ZNF284: variants seen among roughly 807,000 people sequenced by gnomAD.
The protein encoded by ZNF284 is zinc finger protein 284.
In ZNF284, 12 loss-of-function variants were observed where a neutral mutation model predicts 12.9. The ratio of observed to expected loss-of-function variants is 0.93; its 90% CI spans 0.60 to 1.51. The LOEUF (loss-of-function observed/expected upper bound fraction) is 1.51. Among genes scored for constraint, ZNF284 ranks in the 40% most tolerant of loss-of-function variants. The pLI is 0.00. For synonymous variants in ZNF284, 225 were observed against 236.5 expected (o/e 0.95, Z 0.45); for missense variants, 667 against 707.3 (o/e 0.94, Z 0.65).
At chr19:44,082,183 G>T (rs1184334995) in intron 4 of ZNF284, 78 bp downstream of exon 4, 3 of 1,210,204 alleles carry the variant, frequency 2.5e-6, no homozygotes, top group East Asian at 4.9e-5. Flanking sequence ...CAACTCCATT[G>T]CCCTGGTATA....
chr19:44,081,928 A>C, intron 3 of ZNF284, 85 bp from the exon 4 acceptor site: 1 of 1,050,004 alleles, frequency 9.5e-7, no homozygotes, highest in Non-Finnish European at 1.4e-6. Context: ...ATCAGTGTTC[A>C]AGTTCGAGTG....
rs1231610697 is a variant in ZNF284, at chr19:44,086,157, G to A, written c.679G>A (p.Gly227Arg). 5 of 1,614,078 alleles carry A rather than the reference G, an allele frequency of 3.1e-6. No homozygotes were observed. The highest frequency in any genetic ancestry group is 4.2e-6 in the Non-Finnish European group (5 of 1,180,040). The change falls in exon 5 of 5, where the codon GGA becomes AGA. Residue 227 changes from glycine to arginine, a missense_variant. Physicochemically the swap from Gly to Arg is moderately radical, Grantham distance 125. Transcript: ENST00000421176. ...QLQTHQRIHT[G>R]EKPFKCEQCG... ...GCAAACTCATCAGAGAATCCACACT[G>A]GAGAGAAACCATTCAAATGTGAGCA...
At chr19:44,083,499 A>G (rs1967168240) in intron 4 of ZNF284, among the ~76,000 whole-genome samples, 1 of 71,860 alleles carries the variant, frequency 1.4e-5, no homozygotes, top group African/African-American at 4.4e-5. Flanking sequence ...AGAGAGAGAG[A>G]GAGGGAATGG....
intron 2 of ZNF284, among the ~76,000 whole-genome samples, chr19:44,079,688 C>G (rs533165121): frequency 2.0e-5 from 3 of 150,606 alleles, no homozygotes; most frequent in African/African-American, 7.3e-5. Context: ...AGCCTGGGGA[C>G]AGAGTGAGAC....
chr19:44,080,243 G>A (rs570631874), intron 2 of ZNF284, among the ~76,000 whole-genome samples: 6 of 152,200 alleles, frequency 3.9e-5, no homozygotes, highest in Non-Finnish European at 8.8e-5. Context: ...TGAATACAGA[G>A]GACCCACTCC....
chr19:44,087,524 G>A lies in ZNF284; in HGVS notation c.*264G>A, dbSNP rs553704086. On this transcript the variant is annotated 3_prime_UTR_variant, in exon 5 of 5. Transcript: ENST00000421176. ...TTACTGTACTTTCATATCTGTTAAC[G>A]AATCTTTCATCATCCACCCTCTCTC... is the stretch of plus-strand genomic sequence containing the variant. The A allele has an allele frequency of 1.3e-4, 28 of 213,712 alleles. No individual in the cohort carries two copies. In the South Asian group the frequency reaches 3.0e-3, roughly 23 times the overall value. The allele number at this position is 213,712 out of a possible 1,614,324, so 13.2% of individuals were successfully genotyped here. A position where few individuals can be genotyped will look rare whatever the true frequency, so the allele number is the denominator to read the frequency against.
Position 44,086,851 on chromosome 19 carries a change from A to T in ZNF284, c.1373A>T (p.Lys458Met), listed in dbSNP as rs1387697124. Reference sequence around the variant, plus strand: ...ACGGGAGAGAGACCTTATAATTGTAAGGAATGTGGAAAGAGCTTCAGGTGG... The same window carrying T: ...ACGGGAGAGAGACCTTATAATTGTATGGAATGTGGAAAGAGCTTCAGGTGG... Reference protein sequence around the residue: ...VHTGERPYNCKECGKSFRWAS... With the variant: ...VHTGERPYNCMECGKSFRWAS... Residue 458 changes from lysine to methionine, a missense_variant, in exon 5 of 5, where the codon AAG becomes ATG. Lys to Met is a moderately conservative substitution (Grantham distance 95, BLOSUM62 -1). Coordinates refer to ENST00000421176, the MANE Select transcript of ZNF284 (RefSeq NM_001037813.4). The T allele has an allele frequency of 6.8e-6, 11 of 1,613,900 alleles. No homozygotes were observed. The highest frequency in any genetic ancestry group is 5.0e-5 in the Admixed American group (3 of 59,958).
In ZNF284 at chr19:44,085,764, G is replaced by C. The variant is rs774745584; in HGVS notation, c.286G>C (p.Glu96Gln). 1.4e-5 allele frequency: 23 copies of C among 1,614,034 alleles called. 1 individual carries two copies. In the South Asian group the frequency reaches 2.4e-4, roughly 17 times the overall value. The change falls in exon 5 of 5, where the codon GAA becomes CAA. Residue 96 changes from glutamate (E) to glutamine (Q), a missense_variant. Coordinates refer to ENST00000421176, the MANE Select transcript of ZNF284 (RefSeq NM_001037813.4). Reference sequence around the variant, plus strand: ...GTCTGTTCCAGAAACAGGACCACATGAAGAGTGGTCTTGCCAGCAAATCTG... The same window carrying C: ...GTCTGTTCCAGAAACAGGACCACATCAAGAGTGGTCTTGCCAGCAAATCTG... ...LESVPETGPH[E>Q]EWSCQQIWEQ...
In ZNF284 at chr19:44,086,260, G is replaced by T. The variant is rs1456767192; in HGVS notation, c.782G>T (p.Cys261Phe). 3.1e-6 allele frequency: 5 copies of T among 1,614,074 alleles called. No individual in the cohort carries two copies. Among genetic ancestry groups the T allele is most frequent in the Non-Finnish European group, 4.2e-6 (5 of 1,180,030 alleles). The change falls in exon 5 of 5, where the codon TGT becomes TTT. Residue 261 changes from cysteine to phenylalanine, a missense_variant. Cys to Phe is a radical substitution (Grantham distance 205, BLOSUM62 -2). Coordinates refer to ENST00000421176, the MANE Select transcript of ZNF284 (RefSeq NM_001037813.4). ...CACACAGGAGAAAAACCTCATATTT[G>T]TGAGGAATGTGGGAAGGCCTTCATT... Reference protein sequence around the residue: ...KLHTGEKPHICEECGKAFIHN... With the variant: ...KLHTGEKPHIFEECGKAFIHN...
chr19:44,081,982 A>T lies in ZNF284; in HGVS notation c.143-31A>T, dbSNP rs773486603. The T allele has an allele frequency of 1.9e-6, 3 of 1,573,724 alleles. No individual in the cohort carries two copies. In the South Asian group the frequency reaches 3.4e-5, roughly 18 times the overall value. ...TTCTAGTAAATTTTACCTAAGATGT[A>T]TTGGGATTAAGCATGTGACTTTGTT... On this transcript the variant is annotated intron_variant, in intron 3 of 4. Transcript: ENST00000421176.
At position 44,076,518 on chromosome 19, in the gene ZNF284, T is replaced by C. The variant is rs969517397; in HGVS notation, c.15+114T>C. 8.1e-6 allele frequency: 9 copies of C among 1,105,074 alleles called. No individual in the cohort carries two copies. In the African/African-American group the frequency reaches 1.1e-4, roughly 13 times the overall value. 68.5% of individuals were successfully genotyped at this position (1,105,074 alleles called of 1,614,324 possible). A position where few individuals can be genotyped will look rare whatever the true frequency, so the allele number is the denominator to read the frequency against. On this transcript the variant is annotated intron_variant, in intron 2 of 4. Transcript: ENST00000421176. ...GGAGAACAACAGTTATTTGTGCACCTGTTGTGTGCCAGATGCTTCCTTGTT... is the reference window on the plus strand; with the variant it reads ...GGAGAACAACAGTTATTTGTGCACCCGTTGTGTGCCAGATGCTTCCTTGTT...
At position 44,085,916 on chromosome 19, in the gene ZNF284, T is replaced by C; in HGVS notation, c.438T>C (p.Pro146=). Residue 146 remains proline (P), a synonymous_variant, in exon 5 of 5, where the codon CCT becomes CCC. Coordinates refer to ENST00000421176, the MANE Select transcript of ZNF284 (RefSeq NM_001037813.4). ...GLSIIHIGET[P]SEHGKCKKFF... Reference sequence around the variant, plus strand: ...CTATAATTCACATAGGAGAGACACCTTCTGAGCATGGGAAGTGTAAAAAAT... The same window carrying C: ...CTATAATTCACATAGGAGAGACACCCTCTGAGCATGGGAAGTGTAAAAAAT... 1.9e-6 allele frequency: 3 copies of C among 1,614,220 alleles called. No individual in the cohort carries two copies. Among genetic ancestry groups the C allele is most frequent in the Non-Finnish European group, 2.5e-6 (3 of 1,180,036 alleles).
rs150203297 is a variant in ZNF284, at chr19:44,083,967, T to A, written c.236-1747T>A. On this transcript the variant is annotated intron_variant, in intron 4 of 4. Transcript: ENST00000421176. ...TGATCAGGGCAGGGAAATCCTTAGGTCTCCAGACAGCATGCTTGGGCACCT... is the reference window on the plus strand; with the variant it reads ...TGATCAGGGCAGGGAAATCCTTAGGACTCCAGACAGCATGCTTGGGCACCT... Among the ~76,000 whole-genome samples, 14 of 152,120 alleles carry A rather than the reference T, an allele frequency of 9.2e-5. No individual in the cohort carries two copies. The East Asian group carries it at 2.5e-3, about 27-fold the overall frequency.
At chr19:44,073,995 T>G (rs1488185494) in intron 1 of ZNF284, among the ~76,000 whole-genome samples, 1 of 152,242 alleles carries the variant, frequency 6.6e-6, no homozygotes, top group Non-Finnish European at 1.5e-5. Context: ...GCTAGTGAAC[T>G]TACATGTTAT....
chr19:44,078,157 C>T (rs1967063227), intron 2 of ZNF284, among the ~76,000 whole-genome samples: 1 of 152,040 alleles, frequency 6.6e-6, no homozygotes, highest in Non-Finnish European at 1.5e-5. Context: ...GAATAAAGGA[C>T]ATTAATACAT....
chr19:44,073,630 G>T (rs1966982468), intron 1 of ZNF284, among the ~76,000 whole-genome samples: 1 of 149,598 alleles, frequency 6.7e-6, no homozygotes, highest in African/African-American at 2.5e-5. Context: ...TGCTAACTCC[G>T]CCTCCCAGGT....
At chr19:44,074,222 G>C (rs1388496883) in intron 1 of ZNF284, among the ~76,000 whole-genome samples, 3 of 151,928 alleles carry the variant, frequency 2.0e-5, no homozygotes, top group Non-Finnish European at 4.4e-5. Context: ...ACATGGTGAC[G>C]CATGCCTGTA....
chr19:44,083,152 C>T (rs1967154362), intron 4 of ZNF284, among the ~76,000 whole-genome samples: 3 of 151,776 alleles, frequency 2.0e-5, no homozygotes, highest in Admixed American at 6.6e-5. Context: ...TTTAAAATAC[C>T]AGCCGGGCGT....
rs777418004 is a variant in ZNF284 at position 44,086,940 on chromosome 19, T to A, written c.1462T>A (p.Cys488Ser). Residue 488 changes from cysteine (C) to serine (S), a missense_variant, in exon 5 of 5, where the codon TGT (cysteine) becomes AGT (serine). Cys to Ser is a moderately radical substitution (Grantham distance 112). Coordinates refer to ENST00000421176, the MANE Select transcript of ZNF284 (RefSeq NM_001037813.4). ...TGEKPFKCEE[C>S]GKRFTENSKL... ...AGAAAAACCATTCAAATGTGAAGAGTGTGGGAAGAGGTTTACTGAGAATTC... is the reference window on the plus strand; with the variant it reads ...AGAAAAACCATTCAAATGTGAAGAGAGTGGGAAGAGGTTTACTGAGAATTC... The A allele has an allele frequency of 1.2e-6, 2 of 1,613,878 alleles. No homozygotes were observed. The highest frequency in any genetic ancestry group is 1.7e-6 in the Non-Finnish European group (2 of 1,180,012).
Sources: allele counts gnomAD v4.1 joint callset (sites outside exome capture counted in the v4.1 genomes callset), GRCh38; gene constraint gnomAD v4.1.1; transcripts MANE v1.5; gene names NCBI Gene and HGNC (gene_info 2026-07-23, HGNC 2026-07-21).